MDGA2: variants seen among roughly 807,000 people sequenced by gnomAD.
MDGA2 encodes MAM domain containing glycosylphosphatidylinositol anchor 2.
MDGA2 carries 40 observed loss-of-function variants against 117.8 expected under a neutral mutation model. The ratio of observed to expected loss-of-function variants is 0.34; its 90% CI spans 0.26 to 0.44. MDGA2 has a LOEUF of 0.44. MDGA2 is among the 20% of genes least tolerant of loss of function. MDGA2 has a pLI of 1.00. For missense variants in MDGA2, 1,123 were observed against 1,250.6 expected (o/e 0.90, Z 1.54); for synonymous variants, 452 against 439.0 (o/e 1.03, Z -0.37).
chr14:47,399,746 A>G (rs1892094108), intron 1 of MDGA2, among the ~76,000 whole-genome samples: 1 of 139,384 alleles, frequency 7.2e-6, no homozygotes, highest in Admixed American at 7.7e-5. Context: ...CACGAAACAA[A>G]TCATGTCTGT....
chr14:47,161,858 G>T (rs1883648199), intron 3 of MDGA2, among the ~76,000 whole-genome samples: 1 of 142,672 alleles, frequency 7.0e-6, no homozygotes, highest in Non-Finnish European at 1.5e-5. Context: ...ATCTAATTGG[G>T]TTCTTATTCC....
intron 6 of MDGA2, among the ~76,000 whole-genome samples, chr14:47,077,339 T>C (rs1220471413): frequency 6.6e-6 from 1 of 152,168 alleles, no homozygotes; most frequent in East Asian, 1.9e-4. Context: ...CTTTATTCCT[T>C]TCCTAATTTG....
intron 2 of MDGA2, among the ~76,000 whole-genome samples, chr14:47,239,138 A>T (rs1212598767): frequency 6.6e-6 from 1 of 151,396 alleles, no homozygotes. Flanking sequence ...TGAGGGCCTA[A>T]TATGAACCTC....
chr14:47,277,254 T>C (rs916371804), intron 2 of MDGA2, among the ~76,000 whole-genome samples: 1 of 152,180 alleles, frequency 6.6e-6, no homozygotes, highest in Admixed American at 6.5e-5. Flanking sequence ...TCTCAGAAAC[T>C]GTTTCCAGGA....
chr14:47,231,618 T>G (rs1886693223), intron 2 of MDGA2, among the ~76,000 whole-genome samples: 1 of 152,032 alleles, frequency 6.6e-6, no homozygotes, highest in African/African-American at 2.4e-5. Flanking sequence ...ACCAGATTTT[T>G]TTTCCTAATT....
chr14:47,119,004 G>C (rs1052400358), intron 5 of MDGA2, among the ~76,000 whole-genome samples: 2 of 151,398 alleles, frequency 1.3e-5, no homozygotes, highest in Non-Finnish European at 2.9e-5. Context: ...TCCCAAAGCA[G>C]AGACTGGGAT....
intron 2 of MDGA2, among the ~76,000 whole-genome samples, chr14:47,221,294 G>A (rs1448142088): frequency 1.3e-5 from 2 of 149,324 alleles, no homozygotes; most frequent in Admixed American, 6.7e-5. Context: ...AGGGGAAAAT[G>A]TGTCCCTGTG....
At chr14:46,972,456 T>A (rs1886306435) in intron 8 of MDGA2, among the ~76,000 whole-genome samples, 2 of 152,178 alleles carry the variant, frequency 1.3e-5, no homozygotes, top group South Asian at 4.1e-4. Flanking sequence ...ATTTTTTAGG[T>A]TAACTCAGTA....
At chr14:47,543,900 A>G (rs948017165) in intron 1 of MDGA2, among the ~76,000 whole-genome samples, 1 of 152,194 alleles carries the variant, frequency 6.6e-6, no homozygotes, top group East Asian at 1.9e-4. Flanking sequence ...CAGAGTCCCA[A>G]AATATGTAAC....
At chr14:47,515,523 T>C (rs1053180067) in intron 1 of MDGA2, among the ~76,000 whole-genome samples, 2 of 152,126 alleles carry the variant, frequency 1.3e-5, no homozygotes, top group Non-Finnish European at 2.9e-5. Flanking sequence ...AATCAATGAC[T>C]ATCCAGTGGC....
At chr14:47,208,815 A>G (rs1038188148) in intron 3 of MDGA2, among the ~76,000 whole-genome samples, 1 of 152,022 alleles carries the variant, frequency 6.6e-6, no homozygotes, top group African/African-American at 2.4e-5. Context: ...AATAATTTTT[A>G]GATGAAAGAG....
chr14:47,077,805 G>C (rs188403640), intron 6 of MDGA2, among the ~76,000 whole-genome samples: 20 of 151,868 alleles, frequency 1.3e-4, no homozygotes, highest in African/African-American at 4.3e-4. Flanking sequence ...AGGAAAACAT[G>C]GTCAATTATA....
Position 46,871,052 on chromosome 14 carries a change from A to G in MDGA2, c.2752+2381T>C, listed in dbSNP as rs1213675481. On this transcript the variant is annotated intron_variant, in intron 14 of 16. Coordinates refer to ENST00000399232, the MANE Select transcript of MDGA2 (RefSeq NM_001113498.3). ...ATTCAAAACAAAGAGGAAACAGAGT[A>G]TACATTATTAACAAAAAGGAAGAAT... 7.9e-5 allele frequency: 12 copies of G among 151,930 alleles called. No individual in the cohort carries two copies. In the Admixed American group the frequency reaches 7.9e-4, roughly 10 times the overall value. 9.4% of individuals were successfully genotyped at this position (151,930 alleles called of 1,614,324 possible). A position where few individuals can be genotyped will look rare whatever the true frequency, so the allele number is the denominator to read the frequency against.
chr14:47,533,004 A>G (rs1271171312), intron 1 of MDGA2, among the ~76,000 whole-genome samples: 5 of 152,190 alleles, frequency 3.3e-5, no homozygotes, highest in Non-Finnish European at 7.3e-5. Flanking sequence ...TCCAATCCCC[A>G]TATTACAGCT....
chr14:47,059,358 T>C, intron 7 of MDGA2: 1 of 1,253,682 alleles, frequency 8.0e-7, no homozygotes, highest in Non-Finnish European at 1.0e-6. Context: ...TCAATATATT[T>C]CTTTTATCTC....
chr14:47,276,243 A>G (rs559583440), intron 2 of MDGA2, among the ~76,000 whole-genome samples: 2 of 152,188 alleles, frequency 1.3e-5, no homozygotes, highest in Admixed American at 6.5e-5. Context: ...AATCCAGTCT[A>G]TGAGGTGAAA....
intron 1 of MDGA2, among the ~76,000 whole-genome samples, chr14:47,541,458 C>A (rs906166243): frequency 1.3e-5 from 2 of 152,126 alleles, no homozygotes; most frequent in Non-Finnish European, 2.9e-5. Flanking sequence ...CTAAATTTAC[C>A]CTTTCTGTAC....
At position 47,009,108 on chromosome 14, in the gene MDGA2, G is replaced by A. The variant is rs76187085; in HGVS notation, c.1819+25903C>T. Among the ~76,000 whole-genome samples the A allele has an allele frequency of 2.5e-3, 384 of 152,022 alleles. 2 individuals are homozygous for A. The highest frequency in any genetic ancestry group is 8.8e-3 in the African/African-American group (365 of 41,508). ...GTGCAATGTAATGTAGCACTCATTC[G>A]ATAGATAAATAAAATGGTACAGTAT... On this transcript the variant is annotated intron_variant, in intron 8 of 16. Coordinates refer to ENST00000399232, the MANE Select transcript of MDGA2 (RefSeq NM_001113498.3).
At chr14:47,387,883 G>A (rs1891797454) in intron 1 of MDGA2, among the ~76,000 whole-genome samples, 1 of 152,110 alleles carries the variant, frequency 6.6e-6, no homozygotes, top group South Asian at 2.1e-4. Context: ...TTTAAGGGAT[G>A]GGTCAGACAA....
Sources: gnomAD v4.1 joint callset for allele counts (sites outside exome capture counted in the v4.1 genomes callset) on GRCh38, gnomAD v4.1.1 for gene constraint, MANE v1.5 for transcripts, NCBI Gene and HGNC (gene_info 2026-07-23, HGNC 2026-07-21) for gene names.